Variants in CCDC178 observed in about 807,000 individuals in gnomAD.
CCDC178 encodes coiled-coil domain containing 178.
In CCDC178, 126 loss-of-function variants were observed where a neutral mutation model predicts 117.4. That is an observed-to-expected ratio of 1.07 (90% CI 0.93 to 1.24). The LOEUF is 1.24. Among genes scored for constraint, CCDC178 ranks in the 50% most tolerant of loss-of-function variants. CCDC178 has a pLI of 0.00. For missense variants in CCDC178, 1,030 were observed against 986.9 expected (o/e 1.04, Z -0.59); for synonymous variants, 283 against 313.4 (o/e 0.90, Z 1.02).
chr18:33,034,619 A>G (rs981929934), intron 21 of CCDC178, among the ~76,000 whole-genome samples: 2 of 152,018 alleles, frequency 1.3e-5, no homozygotes, highest in African/African-American at 4.8e-5. Flanking sequence ...CAACCAGCCT[A>G]TGTTGCCTTC....
intron 20 of CCDC178, among the ~76,000 whole-genome samples, chr18:33,189,207 C>T (rs1031224052): frequency 2.6e-5 from 4 of 151,972 alleles, no homozygotes; most frequent in African/African-American, 9.7e-5. Flanking sequence ...AACAGAAACC[C>T]CATGGAAATG....
At position 33,362,808 on chromosome 18, in the gene CCDC178, C is replaced by T. The variant is rs114355195; in HGVS notation, c.349-6462G>A. ...TTCTTAATGGATATGGGGTTTTATT[C>T]TGGAGTAGTGAACATGCTTTGGAGC... On this transcript the variant is annotated intron_variant, in intron 6 of 22. Transcript: ENST00000383096. 1.6e-3 allele frequency among the ~76,000 whole-genome samples: 248 copies of T among 152,032 alleles called. 3 individuals are homozygous for T. Among genetic ancestry groups the T allele is most frequent in the African/African-American group, 5.8e-3 (242 of 41,538 alleles).
intron 15 of CCDC178, among the ~76,000 whole-genome samples, chr18:33,240,421 C>A (rs998316190): frequency 2.0e-5 from 3 of 151,048 alleles, no homozygotes; most frequent in African/African-American, 7.3e-5. Flanking sequence ...GTACAAAAAT[C>A]AATGGAACAA....
At chr18:33,118,845 A>G (rs1362366188) in intron 20 of CCDC178, among the ~76,000 whole-genome samples, 1 of 152,206 alleles carries the variant, frequency 6.6e-6, no homozygotes, top group African/African-American at 2.4e-5. Flanking sequence ...AAACAGAGAT[A>G]TAGACCAATG....
At chr18:32,952,972 C>G (rs1221505409) in intron 22 of CCDC178, among the ~76,000 whole-genome samples, 1 of 151,754 alleles carries the variant, frequency 6.6e-6, no homozygotes, top group Non-Finnish European at 1.5e-5. Flanking sequence ...TGGGGTTTCA[C>G]CATGTTAGCC....
intron 21 of CCDC178, among the ~76,000 whole-genome samples, chr18:32,974,883 G>T (rs1217767856): frequency 1.3e-5 from 2 of 152,080 alleles, no homozygotes; most frequent in African/African-American, 4.8e-5. Flanking sequence ...ACATCTGGCC[G>T]CCAGGATGGG....
At chr18:32,993,864 G>A (rs530354093) in intron 21 of CCDC178, among the ~76,000 whole-genome samples, 1 of 152,196 alleles carries the variant, frequency 6.6e-6, no homozygotes, top group South Asian at 2.1e-4. Context: ...TGTCAAGAAA[G>A]CTGGTTTCCT....
chr18:33,360,993 T>C (rs547015158), intron 6 of CCDC178, among the ~76,000 whole-genome samples: 3 of 151,368 alleles, frequency 2.0e-5, no homozygotes, highest in South Asian at 2.1e-4. Flanking sequence ...AAAAAGAATA[T>C]AAAATTAATA....
At chr18:33,298,866 A>G (rs913832087) in intron 11 of CCDC178, among the ~76,000 whole-genome samples, 4 of 151,956 alleles carry the variant, frequency 2.6e-5, no homozygotes, top group Non-Finnish European at 4.4e-5. Context: ...ATAAATTAAA[A>G]AGGCAATCTC....
At chr18:33,021,163 T>G (rs2056108103) in intron 21 of CCDC178, among the ~76,000 whole-genome samples, 1 of 152,104 alleles carries the variant, frequency 6.6e-6, no homozygotes, top group Admixed American at 6.5e-5. Flanking sequence ...TACATAACTC[T>G]GAATCAGATG....
At chr18:33,343,903 A>G (rs186554526) in intron 9 of CCDC178, among the ~76,000 whole-genome samples, 37 of 152,332 alleles carry the variant, frequency 2.4e-4, no homozygotes, top group African/African-American at 8.9e-4. Flanking sequence ...CTTTGTAAAC[A>G]AATTCATAAA....
At chr18:33,046,116 C>T (rs1245517579) in intron 21 of CCDC178, among the ~76,000 whole-genome samples, 1 of 152,136 alleles carries the variant, frequency 6.6e-6, no homozygotes, top group Non-Finnish European at 1.5e-5. Flanking sequence ...TGATGTTAGC[C>T]TTTACGAACA....
intron 3 of CCDC178, among the ~76,000 whole-genome samples, chr18:33,411,180 T>C (rs1173069155): frequency 1.3e-5 from 2 of 152,182 alleles, no homozygotes; most frequent in Admixed American, 1.3e-4. Flanking sequence ...TGGTTGGTTG[T>C]TACATAGCAT....
chr18:32,993,843 C>T (rs1046538968), intron 21 of CCDC178, among the ~76,000 whole-genome samples: 23 of 152,146 alleles, frequency 1.5e-4, no homozygotes, highest in African/African-American at 5.5e-4. Flanking sequence ...AAATATAGGG[C>T]CTTTAATGAG....
At chr18:32,986,984 G>A (rs950909613) in intron 21 of CCDC178, among the ~76,000 whole-genome samples, 1 of 151,348 alleles carries the variant, frequency 6.6e-6, no homozygotes, top group African/African-American at 2.4e-5. Context: ...TCAAATAAAA[G>A]GTTAGATATA....
chr18:33,383,450 C>T (rs8090859), intron 5 of CCDC178, among the ~76,000 whole-genome samples: 1 of 151,988 alleles, frequency 6.6e-6, no homozygotes, highest in Non-Finnish European at 1.5e-5. Context: ...TTGCCAGACA[C>T]CTCATACAGG....
Position 33,293,330 on chromosome 18 carries a change from G to A in CCDC178, c.1023-18C>T. 7.1e-7 allele frequency: 1 copy of A among 1,416,008 alleles called. No homozygotes were observed. Among genetic ancestry groups the A allele is most frequent in the Non-Finnish European group, 9.7e-7 (1 of 1,027,708 alleles). 87.7% of individuals were successfully genotyped at this position (1,416,008 alleles called of 1,614,324 possible). A position where few individuals can be genotyped will look rare whatever the true frequency, so the allele number is the denominator to read the frequency against. On this transcript the variant is annotated intron_variant, in intron 11 of 22. Transcript: ENST00000383096. ...TCTCTCTCCTAGGGATAAAAACACAGTTTATTTTATTCACATTAAAAGAAA... is the reference window on the plus strand; with the variant it reads ...TCTCTCTCCTAGGGATAAAAACACAATTTATTTTATTCACATTAAAAGAAA...
At chr18:33,416,517 C>T (rs2063943851) in intron 2 of CCDC178, among the ~76,000 whole-genome samples, 1 of 152,026 alleles carries the variant, frequency 6.6e-6, no homozygotes, top group Non-Finnish European at 1.5e-5. Flanking sequence ...ATGAGGACCC[C>T]AAATTTCCTA....
At chr18:33,080,855 G>A (rs1370217969) in intron 21 of CCDC178, among the ~76,000 whole-genome samples, 2 of 152,130 alleles carry the variant, frequency 1.3e-5, no homozygotes, top group Non-Finnish European at 1.5e-5. Flanking sequence ...CATGGTGACT[G>A]CCACACAGAA....
Sources: gnomAD v4.1 joint callset for allele counts (sites outside exome capture counted in the v4.1 genomes callset) on GRCh38, gnomAD v4.1.1 for gene constraint, MANE v1.5 for transcripts, NCBI Gene and HGNC (gene_info 2026-07-23, HGNC 2026-07-21) for gene names.